Variants in PPFIA1 observed in about 807,000 individuals in gnomAD.
PPFIA1 encodes the protein liprin-alpha-1.
A neutral mutation model predicts 149.9 loss-of-function variants in PPFIA1; 25 were observed. That is an observed-to-expected ratio of 0.17 (90% CI 0.12 to 0.23). PPFIA1 has a LOEUF of 0.23. Ranked by LOEUF, PPFIA1 falls within the 10% of genes least tolerant of loss-of-function variation. The pLI is 1.00. For missense variants in PPFIA1, 1,362 were observed against 1,506.5 expected, an observed-to-expected ratio of 0.90 and a Z score of 1.59; for synonymous variants, 549 against 552.8, an observed-to-expected ratio of 0.99 and a Z score of 0.10.
intron 15 of PPFIA1, 149 bp from the exon 16 acceptor site, chr11:70,348,040 G>C: frequency 1.6e-6 from 1 of 617,854 alleles, no homozygotes; most frequent in Non-Finnish European, 2.8e-6. Flanking sequence ...AAAAAGAGTA[G>C]AACATTTTTG....
At position 70,360,364 on chromosome 11, in the gene PPFIA1, GT is replaced by G. The variant is rs1237684712; in HGVS notation, c.2583-1729del. ...TATTTACAGTGAGTATCTATTACAT[GT>G]TAAAAAACGAAGTCTCTGGCAGAGT... On this transcript the variant is annotated intron_variant, in intron 19 of 27. Transcript: ENST00000253925. 2.8e-4 allele frequency among the ~76,000 whole-genome samples: 43 copies of G among 152,364 alleles called. 1 individual carries two copies. The highest frequency in any genetic ancestry group is 9.9e-4 in the African/African-American group (41 of 41,590).
At chr11:70,355,578 T>A (rs2056317316) in intron 17 of PPFIA1, 61 bp from the exon 18 acceptor site, 1 of 1,475,514 alleles carries the variant, frequency 6.8e-7, no homozygotes, top group Admixed American at 2.3e-5. Context: ...AGTTTGCGAC[T>A]GTTAATATGT....
intron 2 of PPFIA1, among the ~76,000 whole-genome samples, chr11:70,310,992 C>T (rs74876008): frequency 0.014 from 2,093 of 152,226 alleles, 14 homozygotes; most frequent in Admixed American, 0.025. Flanking sequence ...GGAAGGCAGG[C>T]CGTGAGCACC....
At position 70,343,702 on chromosome 11, in the gene PPFIA1, G is replaced by A; in HGVS notation, c.1741G>A (p.Ala581Thr). Residue 581 changes from alanine to threonine, a missense_variant, in exon 15 of 28, where the codon GCC (alanine) becomes ACC (threonine). Ala to Thr is a moderately conservative substitution (Grantham distance 58). This residue lies in a region of PPFIA1 where 733 missense variants were observed against 744.1 expected (regional missense o/e 0.99). Coordinates refer to ENST00000253925, the MANE Select transcript of PPFIA1 (RefSeq NM_003626.5). ...QTLNEQDWER[A>T]QQASVLANVA... ...TCTTAATGAGCAGGATTGGGAACGT[G>A]CCCAGCAAGCTAGTGTCTTGGCAAA... 6.2e-7 allele frequency: 1 copy of A among 1,614,232 alleles called. No homozygotes were observed. The highest frequency in any genetic ancestry group is 2.2e-5 in the East Asian group (1 of 44,884).
chr11:70,374,893 T>C (rs1275100104), intron 23 of PPFIA1, 25 bp from the exon 24 acceptor site: 2 of 1,606,074 alleles, frequency 1.2e-6, no homozygotes, highest in African/African-American at 1.3e-5. Flanking sequence ...AAGCCACTTT[T>C]ATAATTGTCT....
Position 70,372,352 on chromosome 11 carries a change from C to T in PPFIA1, c.3003C>T (p.Asp1001=). The T allele has an allele frequency of 6.2e-7, 1 of 1,614,182 alleles. No individual in the cohort carries two copies. Among genetic ancestry groups the T allele is most frequent in the Non-Finnish European group, 8.5e-7 (1 of 1,180,036 alleles). Residue 1001 remains aspartate, a synonymous_variant, in exon 22 of 28, where the codon GAC becomes GAT. Coordinates refer to ENST00000253925, the MANE Select transcript of PPFIA1 (RefSeq NM_003626.5). ...TGCTGGACCACTTGACCAAGAAAGA[C>T]CTTCGAGGGCAGCTGAAAATGGTCG... The part of the protein sequence containing the change: ...ARMLDHLTKK[D]LRGQLKMVDS...
chr11:70,334,788 G>A (rs2054873344), intron 10 of PPFIA1, among the ~76,000 whole-genome samples: 1 of 152,218 alleles, frequency 6.6e-6, no homozygotes. Context: ...TGACTCGGGT[G>A]CACGTCGTAA....
intron 2 of PPFIA1, among the ~76,000 whole-genome samples, chr11:70,273,510 G>A (rs1421857836): frequency 6.6e-6 from 1 of 152,164 alleles, no homozygotes; most frequent in African/African-American, 2.4e-5. Flanking sequence ...CCTTTGGGGT[G>A]CATTCAGGTA....
chr11:70,351,578 T>C lies in PPFIA1; in HGVS notation c.2164-2723T>C, dbSNP rs147963021. On this transcript the variant is annotated intron_variant, in intron 16 of 27. Coordinates refer to ENST00000253925, the MANE Select transcript of PPFIA1 (RefSeq NM_003626.5). ...AAAATCCAAAATCTGAAATGCTCCATTGACCATTTCCTTCAAGCATCATGT... is the reference window on the plus strand; with the variant it reads ...AAAATCCAAAATCTGAAATGCTCCACTGACCATTTCCTTCAAGCATCATGT... Among the ~76,000 whole-genome samples, 181 of 152,358 alleles carry C rather than the reference T, an allele frequency of 1.2e-3. 2 individuals carry two copies. Among genetic ancestry groups the C allele is most frequent in the Admixed American group, 5.1e-3 (78 of 15,308 alleles).
intron 21 of PPFIA1, chr11:70,365,413 C>T (rs934380338): frequency 3.5e-5 from 16 of 456,554 alleles, no homozygotes; most frequent in Admixed American, 9.4e-5. Flanking sequence ...GAGATGGAAA[C>T]GCTCGCAGCC....
At chr11:70,367,884 C>T (rs1362528110) in intron 21 of PPFIA1, among the ~76,000 whole-genome samples, 1 of 152,110 alleles carries the variant, frequency 6.6e-6, no homozygotes, top group Non-Finnish European at 1.5e-5. Context: ...ACCTGTAATC[C>T]CAGCACTTTG....
At chr11:70,332,994 T>C in intron 9 of PPFIA1, 1 of 454,610 alleles carries the variant, frequency 2.2e-6, no homozygotes, top group South Asian at 1.5e-5. Flanking sequence ...TCCCCTGTTA[T>C]CTTTCCTGTC....
At chr11:70,371,055 C>T (rs1024530892) in intron 21 of PPFIA1, among the ~76,000 whole-genome samples, 3 of 152,132 alleles carry the variant, frequency 2.0e-5, no homozygotes, top group Non-Finnish European at 2.9e-5. Flanking sequence ...ATGACTTGAA[C>T]CCTGGAGGCG....
chr11:70,314,155 A>G (rs2136580516), intron 2 of PPFIA1, among the ~76,000 whole-genome samples: 2 of 152,344 alleles, frequency 1.3e-5, no homozygotes, highest in African/African-American at 4.8e-5. Flanking sequence ...GAGCACCAGC[A>G]TTCTGTGAAT....
rs570764363 is a variant in PPFIA1, at chr11:70,296,087, G to A, written c.264+23651G>A. On this transcript the variant is annotated intron_variant, in intron 2 of 27. Transcript: ENST00000253925. ...ACTCCCCACATCTCAGACGATGGGC[G>A]GCTGGGCAGAGACGCTCCTCACTTC... Among the ~76,000 whole-genome samples the A allele has an allele frequency of 8.6e-5, 13 of 151,966 alleles. No individual in the cohort carries two copies. The East Asian group carries it at 2.1e-3, about 25-fold the overall frequency.
At chr11:70,315,678 GTTTTTTT>G (rs71049904) in intron 2 of PPFIA1, among the ~76,000 whole-genome samples, 1,166 of 73,124 alleles carry the variant, frequency 0.016, 18 homozygotes, top group African/African-American at 0.058. Flanking sequence ...CTTTTTTTCT[GTTTTTTT>G]TTTTTTTTTT....
intron 19 of PPFIA1, among the ~76,000 whole-genome samples, chr11:70,356,771 T>C (rs2056382263): frequency 6.6e-6 from 1 of 152,250 alleles, no homozygotes; most frequent in African/African-American, 2.4e-5. Flanking sequence ...TTGCTCTTCA[T>C]ACTGCTGGTC....
chr11:70,365,221 A>G, intron 21 of PPFIA1: 1 of 310,002 alleles, frequency 3.2e-6, no homozygotes, highest in South Asian at 2.6e-5. Flanking sequence ...GGGAATGGTT[A>G]TTCTGTACGG....
At chr11:70,330,376 AC>A in intron 8 of PPFIA1, 57 bp downstream of exon 8, 2 of 1,417,584 alleles carry the variant, frequency 1.4e-6, no homozygotes, top group South Asian at 1.4e-5. Context: ...GAAGTTAAAG[AC>A]CCTTTTTCTC....
Sources: gnomAD v4.1 joint callset for allele counts (sites outside exome capture counted in the v4.1 genomes callset) on GRCh38, gnomAD v4.1.1 for gene constraint, gnomAD v4.1.1 regional missense constraint, MANE v1.5 for transcripts, NCBI Gene and HGNC (gene_info 2026-07-23, HGNC 2026-07-21) for gene names.